The following SRP68 variants were observed in gnomAD, a reference collection of about 807,000 sequenced individuals.
SRP68 encodes the protein signal recognition particle subunit SRP68.
In SRP68, 15 loss-of-function variants were observed where a neutral mutation model predicts 82.2. That is an observed-to-expected ratio of 0.18 (90% CI 0.12 to 0.28). SRP68 has a LOEUF of 0.28. Among genes scored for constraint, SRP68 ranks in the 10% least tolerant of loss-of-function variants. The pLI, the probability that SRP68 is intolerant of heterozygous loss-of-function variation, is 1.00. For synonymous variants in SRP68, 261 were observed against 292.6 expected, an observed-to-expected ratio of 0.89 and a Z score of 1.10; for missense variants, 595 against 780.5, an observed-to-expected ratio of 0.76 and a Z score of 2.83.
intron 8 of SRP68, among the ~76,000 whole-genome samples, chr17:76,055,978 T>C (rs949254089): frequency 2.0e-5 from 3 of 151,714 alleles, no homozygotes; most frequent in African/African-American, 7.3e-5. Context: ...AGCTAAATTT[T>C]TTGGTACTTT....
At position 76,064,227 on chromosome 17, in the gene SRP68, T is replaced by C. The variant is rs1598269384; in HGVS notation, c.366-56A>G. ...AAAGGCCATCAACAGACCCAGATAT[T>C]CTCTGAGGTGTAATCTTCGGCTTCT... On this transcript the variant is annotated intron_variant, in intron 3 of 15. Transcript: ENST00000307877. 5.3e-6 allele frequency: 8 copies of C among 1,499,802 alleles called. No homozygotes were observed. In the East Asian group the frequency reaches 1.8e-4, roughly 34 times the overall value. 92.9% of individuals were successfully genotyped at this position (1,499,802 alleles called of 1,614,324 possible).
intron 3 of SRP68, among the ~76,000 whole-genome samples, chr17:76,066,278 CCT>C (rs1014109167): frequency 5.3e-5 from 8 of 151,910 alleles, no homozygotes; most frequent in Non-Finnish European, 1.0e-4. Context: ...ATGGTGAAAC[CCT>C]GTCTCTACTA....
chr17:76,052,427 G>A (rs2066679689), intron 8 of SRP68, among the ~76,000 whole-genome samples: 1 of 152,066 alleles, frequency 6.6e-6, no homozygotes, highest in African/African-American at 2.4e-5. Flanking sequence ...TTAAAAACTC[G>A]AGTAAGACAT....
chr17:76,040,333 G>T, intron 15 of SRP68, 86 bp downstream of exon 15: 1 of 1,311,742 alleles, frequency 7.6e-7, no homozygotes, highest in South Asian at 1.2e-5. Flanking sequence ...TAGAAATTTA[G>T]GGTCCACTGC....
At chr17:76,062,823 C>T (rs112529405) in intron 4 of SRP68, among the ~76,000 whole-genome samples, 3,822 of 129,746 alleles carry the variant, frequency 0.029, 77 homozygotes, top group Middle Eastern at 0.042. Flanking sequence ...CAGGCTGGAG[C>T]GCAGTGGCAC....
intron 7 of SRP68, among the ~76,000 whole-genome samples, chr17:76,058,175 C>T (rs1474674440): frequency 6.8e-6 from 1 of 146,338 alleles, no homozygotes; most frequent in Non-Finnish European, 1.5e-5. Context: ...TTTTTTGAGA[C>T]GGAGTTTTGC....
At chr17:76,045,477 G>GT in intron 11 of SRP68, 91 bp from the exon 12 acceptor site, 1 of 938,200 alleles carries the variant, frequency 1.1e-6, no homozygotes, top group Non-Finnish European at 1.5e-6. Flanking sequence ...ACAAGAGTGA[G>GT]GAAAAAAAAA....
chr17:76,046,774 T>C, intron 10 of SRP68, among the ~76,000 whole-genome samples: 1 of 152,152 alleles, frequency 6.6e-6, no homozygotes, highest in Non-Finnish European at 1.5e-5. Flanking sequence ...ACCCCGTCTC[T>C]ATTAAAAATA....
intron 13 of SRP68, 138 bp downstream of exon 13, chr17:76,043,691 C>G (rs2066608387): frequency 2.3e-6 from 2 of 855,076 alleles, no homozygotes; most frequent in Non-Finnish European, 3.4e-6. Context: ...CCTGGGCAGT[C>G]AGGGCTACAC....
intron 13 of SRP68, among the ~76,000 whole-genome samples, chr17:76,042,030 C>T (rs2066594755): frequency 6.6e-6 from 1 of 151,992 alleles, no homozygotes; most frequent in Non-Finnish European, 1.5e-5. Context: ...ACCACAGGCG[C>T]CTGCCACCAT....
At position 76,072,345 on chromosome 17, in the gene SRP68, C is replaced by T; in HGVS notation, c.147G>A (p.Lys49=). ...KENERPSAGS[K]ANKEFGDSLS... is the part of the protein sequence containing the mutation. ...GGCTATCCCCAAATTCTTTGTTTGC[C>T]TTCGATCCGGCCGAAGGGCGTTCGT... Residue 49 remains lysine (K), a synonymous_variant, in exon 1 of 16, where the codon AAG becomes AAA. Coordinates refer to ENST00000307877, the MANE Select transcript of SRP68 (RefSeq NM_014230.4). This position sits in a 1 kb window ranked among gnomAD's most constrained non-coding sequence, Gnocchi z 4.5. 1 of 1,612,718 alleles carries T rather than the reference C, an allele frequency of 6.2e-7. No homozygotes were observed. The highest frequency in any genetic ancestry group is 8.5e-7 in the Non-Finnish European group (1 of 1,179,644).
At chr17:76,068,380 C>T (rs556600699) in intron 2 of SRP68, among the ~76,000 whole-genome samples, 56 of 150,422 alleles carry the variant, frequency 3.7e-4, no homozygotes, top group Middle Eastern at 3.4e-3. Flanking sequence ...TGCTTAAACC[C>T]GGGAGGTGGA....
intron 5 of SRP68, 63 bp downstream of exon 5, chr17:76,061,429 T>G (rs891624006): frequency 1.5e-5 from 21 of 1,419,324 alleles, no homozygotes; most frequent in Non-Finnish European, 2.0e-5. Flanking sequence ...CTATCTGATC[T>G]GCAGCTTAAA....
At chr17:76,062,504 T>C (rs1274430341) in intron 4 of SRP68, among the ~76,000 whole-genome samples, 15 of 101,088 alleles carry the variant, frequency 1.5e-4, no homozygotes, top group South Asian at 5.4e-4. Flanking sequence ...ATATAATATA[T>C]ATATAATATA....
chr17:76,067,353 C>A (rs1448535022), intron 2 of SRP68, 23 bp from the exon 3 acceptor site: 35 of 1,542,850 alleles, frequency 2.3e-5, no homozygotes, highest in Non-Finnish European at 3.1e-5. Context: ...ACAAACAAAA[C>A]TCACTCAGCC....
chr17:76,053,592 C>T, intron 8 of SRP68: 1 of 985,404 alleles, frequency 1.0e-6, no homozygotes, highest in South Asian at 4.7e-5. Flanking sequence ...CCACTGCTCC[C>T]ACAAAGCTCT....
Position 76,039,920 on chromosome 17 carries a change from C to A in SRP68, c.1670G>T (p.Arg557Leu). ...QVKDNKPLVERFETFCLDPSL... is the reference protein window; with the variant it reads ...QVKDNKPLVELFETFCLDPSL... ...AGGGTCCAGGCAGAATGTCTCAAAC[C>A]GTTCAACCAGAGGCTGGAAGTCAAA... The change falls in exon 16 of 16, where the codon CGG becomes CTG. Residue 557 changes from arginine (R) to leucine (L), a missense_variant. Coordinates refer to ENST00000307877, the MANE Select transcript of SRP68 (RefSeq NM_014230.4). 6.2e-7 allele frequency: 1 copy of A among 1,614,138 alleles called. No homozygotes were observed. Among genetic ancestry groups the A allele is most frequent in the Non-Finnish European group, 8.5e-7 (1 of 1,180,004 alleles).
chr17:76,059,686 C>CCTG (rs967233683), intron 7 of SRP68, among the ~76,000 whole-genome samples: 11 of 151,816 alleles, frequency 7.2e-5, no homozygotes, highest in Middle Eastern at 3.4e-3. Context: ...GTGGCTCATG[C>CCTG]CTGTAATCCC....
intron 8 of SRP68, among the ~76,000 whole-genome samples, chr17:76,056,720 T>G (rs1598264540): frequency 6.6e-6 from 1 of 152,082 alleles, no homozygotes; most frequent in Non-Finnish European, 1.5e-5. Context: ...AACTGTGAGG[T>G]CTTCGGAAAT....
Sources: gnomAD v4.1 joint callset for allele counts (sites outside exome capture counted in the v4.1 genomes callset) on GRCh38, gnomAD v4.1.1 for gene constraint, Gnocchi (gnomAD v3.1) non-coding constraint, MANE v1.5 for transcripts, NCBI Gene and HGNC (gene_info 2026-07-23, HGNC 2026-07-21) for gene names.